The following SMOC2 variants were observed in gnomAD, a reference collection of about 807,000 sequenced individuals.
SMOC2 encodes the protein SPARC related modular calcium binding 2.
SMOC2 carries 39 observed loss-of-function variants against 61.4 expected under a neutral mutation model. The ratio of observed to expected loss-of-function variants is 0.64; its 90% confidence interval spans 0.49 to 0.83. The LOEUF is 0.83. Among genes scored for constraint, SMOC2 ranks in the 40% least tolerant of loss-of-function variants. The pLI, the probability that SMOC2 is intolerant of heterozygous loss-of-function variation, is 0.00. For missense variants in SMOC2, 556 were observed against 592.9 expected (o/e 0.94, Z 0.65); for synonymous variants, 247 against 239.9 (o/e 1.03, Z -0.27).
chr6:168,457,858 CT>C (rs954497462), intron 1 of SMOC2, among the ~76,000 whole-genome samples: 1 of 152,044 alleles, frequency 6.6e-6, no homozygotes, highest in African/African-American at 2.4e-5. Flanking sequence ...CCAGTTGTTT[CT>C]TTTTTCATGG....
chr6:168,606,765 G>A (rs58764845), intron 8 of SMOC2, among the ~76,000 whole-genome samples: 14 of 151,958 alleles, frequency 9.2e-5, no homozygotes, highest in South Asian at 4.2e-4. Flanking sequence ...ACCCCCTCCC[G>A]CTGGCCTCCT....
intron 9 of SMOC2, among the ~76,000 whole-genome samples, chr6:168,646,432 C>T (rs9295079): frequency 0.35 from 53,220 of 152,114 alleles, 10,487 homozygotes; most frequent in Middle Eastern, 0.47. Flanking sequence ...AAAGTTAATT[C>T]GTGTCCAGAC....
At chr6:168,584,694 T>C (rs1192549063) in intron 7 of SMOC2, among the ~76,000 whole-genome samples, 1 of 152,226 alleles carries the variant, frequency 6.6e-6, no homozygotes, top group African/African-American at 2.4e-5. Context: ...TTCTCATCTC[T>C]TAGAATTCCT....
At chr6:168,642,096 A>C (rs937703193) in intron 9 of SMOC2, among the ~76,000 whole-genome samples, 4 of 152,244 alleles carry the variant, frequency 2.6e-5, no homozygotes, top group African/African-American at 4.8e-5. Flanking sequence ...TGGATAAAAG[A>C]AAAACTTCAG....
chr6:168,534,172 C>T (rs560382186), intron 4 of SMOC2, among the ~76,000 whole-genome samples: 2 of 152,166 alleles, frequency 1.3e-5, no homozygotes, highest in South Asian at 2.1e-4. Flanking sequence ...CTCTGTAACA[C>T]GTAAATTTAT....
chr6:168,610,947 C>T (rs58674513), intron 9 of SMOC2, among the ~76,000 whole-genome samples: 38,669 of 151,432 alleles, frequency 0.26, 5,040 homozygotes, highest in Non-Finnish European at 0.27. Context: ...CCACACCTTC[C>T]TAAACCAGAT....
chr6:168,524,986 C>T (rs1207352880), intron 2 of SMOC2, among the ~76,000 whole-genome samples: 1 of 152,270 alleles, frequency 6.6e-6, no homozygotes, highest in Admixed American at 6.5e-5. Flanking sequence ...GCACTTTAAC[C>T]ACGAGGGAGT....
chr6:168,528,577 T>C (rs1480629859), intron 4 of SMOC2, among the ~76,000 whole-genome samples: 1 of 152,248 alleles, frequency 6.6e-6, no homozygotes, highest in Non-Finnish European at 1.5e-5. Context: ...TAATCTGGAA[T>C]TCTGTTTATT....
chr6:168,531,945 G>A (rs1783614101), intron 4 of SMOC2, among the ~76,000 whole-genome samples: 1 of 152,184 alleles, frequency 6.6e-6, no homozygotes, highest in Non-Finnish European at 1.5e-5. Context: ...AAGGGCTCTG[G>A]AGAGTGGGGT....
intron 1 of SMOC2, among the ~76,000 whole-genome samples, chr6:168,481,989 TAAG>T (rs914272199): frequency 4.7e-5 from 7 of 150,242 alleles, no homozygotes; most frequent in African/African-American, 1.5e-4. Flanking sequence ...AACTGAAAAA[TAAG>T]AACAAGCTAA....
intron 11 of SMOC2, among the ~76,000 whole-genome samples, chr6:168,661,729 CA>C (rs971053376): frequency 5.3e-5 from 8 of 151,888 alleles, no homozygotes; most frequent in African/African-American, 1.7e-4. Flanking sequence ...GCAAGCAATA[CA>C]AAAAAAACTG....
At chr6:168,516,522 C>G (rs1783138148) in intron 2 of SMOC2, among the ~76,000 whole-genome samples, 1 of 152,152 alleles carries the variant, frequency 6.6e-6, no homozygotes, top group Non-Finnish European at 1.5e-5. Context: ...AACATGGTGA[C>G]AAAGGCTCTA....
intron 7 of SMOC2, among the ~76,000 whole-genome samples, chr6:168,567,316 A>C (rs1368311704): frequency 6.6e-6 from 1 of 152,204 alleles, no homozygotes; most frequent in Non-Finnish European, 1.5e-5. Flanking sequence ...AAAATGCTTT[A>C]TCTAAAGCCA....
rs1252275030 is a variant in SMOC2 at position 168,547,152 on chromosome 6, C to T, written c.545C>T (p.Pro182Leu). The T allele has an allele frequency of 1.9e-6, 3 of 1,614,026 alleles. No homozygotes were observed. Among genetic ancestry groups the T allele is most frequent in the Admixed American group, 1.7e-5 (1 of 60,012 alleles). The change falls in exon 6 of 13, where the codon CCT becomes CTT. Residue 182 changes from proline to leucine, a missense_variant. Coordinates refer to ENST00000356284, the MANE Select transcript of SMOC2 (RefSeq NM_001166412.2). ...DAAAPALETQPQGDEEDIASR... is the reference protein window; with the variant it reads ...DAAAPALETQLQGDEEDIASR... ...GCAGCTCCAGCGTTGGAGACTCAGC[C>T]TCAAGGAGATGAAGAAGGTGAGCCG...
intron 1 of SMOC2, among the ~76,000 whole-genome samples, chr6:168,471,388 G>A (rs1184483512): frequency 6.6e-6 from 1 of 152,134 alleles, no homozygotes; most frequent in South Asian, 2.1e-4. Context: ...TGGCCTCAAG[G>A]TTCATTCATG....
chr6:168,632,920 C>T (rs1217255794), intron 9 of SMOC2, among the ~76,000 whole-genome samples: 2 of 152,182 alleles, frequency 1.3e-5, no homozygotes, highest in Admixed American at 6.6e-5. Context: ...TTTTGGGTCC[C>T]ACCCACCATT....
chr6:168,565,360 A>G (rs1055757316), intron 7 of SMOC2, among the ~76,000 whole-genome samples: 3 of 152,022 alleles, frequency 2.0e-5, no homozygotes, highest in African/African-American at 4.8e-5. Flanking sequence ...TCTCTCTCTG[A>G]CTGGCCTCCA....
intron 1 of SMOC2, among the ~76,000 whole-genome samples, chr6:168,486,636 C>T (rs962919492): frequency 6.6e-6 from 1 of 151,152 alleles, no homozygotes; most frequent in Admixed American, 6.6e-5. Flanking sequence ...TGGCTGTGAG[C>T]GCATCCAAAC....
chr6:168,524,940 C>T (rs950609933), intron 2 of SMOC2, among the ~76,000 whole-genome samples: 9 of 152,236 alleles, frequency 5.9e-5, no homozygotes, highest in Non-Finnish European at 2.9e-5. Flanking sequence ...GGGTGGAGCC[C>T]AGGGCTGGTA....
Sources: allele counts gnomAD v4.1 joint callset (sites outside exome capture counted in the v4.1 genomes callset), GRCh38; gene constraint gnomAD v4.1.1; transcripts MANE v1.5; gene names NCBI Gene and HGNC (gene_info 2026-07-23, HGNC 2026-07-21).